Variants in MEF2C observed in about 807,000 individuals in gnomAD.
MEF2C encodes myocyte-specific enhancer factor 2C.
In MEF2C, 6 loss-of-function variants were observed where a neutral mutation model predicts 50.5. The observed-to-expected ratio is 0.12, with a 90% CI of 0.07 to 0.23. The LOEUF is 0.23. Ranked by LOEUF, MEF2C falls within the 10% of genes least tolerant of loss-of-function variation. The pLI, the probability that MEF2C is intolerant of heterozygous loss-of-function variation, is 1.00. For missense variants in MEF2C, 276 were observed against 605.0 expected, an observed-to-expected ratio of 0.46 and a Z score of 5.70; for synonymous variants, 183 against 228.0, an observed-to-expected ratio of 0.80 and a Z score of 1.78.
chr5:88,843,115 G>T (rs984245710), intron 1 of MEF2C, among the ~76,000 whole-genome samples: 1 of 151,732 alleles, frequency 6.6e-6, no homozygotes, highest in Non-Finnish European at 1.5e-5. Flanking sequence ...TTAGGGGGTG[G>T]TATCTTGTCA....
chr5:88,738,454 T>C (rs952450250), intron 6 of MEF2C: 2 of 887,658 alleles, frequency 2.3e-6, no homozygotes, highest in Non-Finnish European at 2.7e-6. Flanking sequence ...GGGATACTAA[T>C]AGTATCCCTA....
intron 1 of MEF2C, 59 bp from the exon 2 acceptor site, chr5:88,823,989 A>C: frequency 2.3e-6 from 3 of 1,306,880 alleles, no homozygotes; most frequent in Admixed American, 3.2e-5. Flanking sequence ...CATAAGAACT[A>C]TCATATTCTA....
At chr5:88,746,505 G>A (rs1769720235) in intron 6 of MEF2C, 1 of 983,128 alleles carries the variant, frequency 1.0e-6, no homozygotes, top group Non-Finnish European at 1.2e-6. Context: ...CTGCTAAAAA[G>A]TAACGTAATT....
At chr5:88,882,717 A>G (rs2150124524) in intron 1 of MEF2C, among the ~76,000 whole-genome samples, 1 of 152,346 alleles carries the variant, frequency 6.6e-6, no homozygotes, top group East Asian at 1.9e-4. Flanking sequence ...GACAGGAACG[A>G]GTCAGGAGTG....
At chr5:88,767,188 T>C (rs1346338725) in intron 3 of MEF2C, among the ~76,000 whole-genome samples, 4 of 152,302 alleles carry the variant, frequency 2.6e-5, no homozygotes, top group African/African-American at 4.8e-5. Flanking sequence ...AAACCTACCA[T>C]GTGCCAGATA....
At chr5:88,761,059 G>C (rs760609508) in intron 4 of MEF2C, 126 bp downstream of exon 4, 3 of 1,613,684 alleles carry the variant, frequency 1.9e-6, no homozygotes, top group Admixed American at 1.7e-5. Context: ...TCAGTGCGTG[G>C]GGTGAGTGCA....
intron 1 of MEF2C, among the ~76,000 whole-genome samples, chr5:88,900,324 A>G (rs1387014578): frequency 6.6e-6 from 1 of 151,838 alleles, no homozygotes; most frequent in Non-Finnish European, 1.5e-5. Flanking sequence ...AGTCAGTTAT[A>G]TGAACTATAT....
chr5:88,831,380 T>A (rs1448882348), intron 1 of MEF2C, among the ~76,000 whole-genome samples: 1 of 151,716 alleles, frequency 6.6e-6, no homozygotes, highest in Non-Finnish European at 1.5e-5. Flanking sequence ...AAAAGGACGT[T>A]CTCAGTAAAA....
At chr5:88,777,130 G>A (rs1264291368) in intron 3 of MEF2C, among the ~76,000 whole-genome samples, 4 of 152,194 alleles carry the variant, frequency 2.6e-5, no homozygotes, top group African/African-American at 9.7e-5. Flanking sequence ...TCAGTGATGA[G>A]CTTAAGGGTA....
rs1280422673 is a variant in MEF2C, at chr5:88,718,924, G to C, written c.*3680C>G. 3 of 152,138 alleles carry C rather than the reference G, an allele frequency of 2.0e-5. No homozygotes were observed. The highest frequency in any genetic ancestry group is 6.6e-5 in the Admixed American group (1 of 15,250). The allele number at this position is 152,138 out of a possible 1,614,324, so 9.4% of individuals were successfully genotyped here. ...AGATCTGTAGTGGCAGGAAATTAAC[G>C]CCATAAAAGTGACGACATCACGGCA... is the stretch of plus-strand genomic sequence containing the variant. On this transcript the variant is annotated 3_prime_UTR_variant, in exon 11 of 11. Coordinates refer to ENST00000504921, the MANE Select transcript of MEF2C (RefSeq NM_002397.5).
At chr5:88,832,587 T>C (rs1255885422) in intron 1 of MEF2C, among the ~76,000 whole-genome samples, 1 of 152,152 alleles carries the variant, frequency 6.6e-6, no homozygotes, top group Non-Finnish European at 1.5e-5. Flanking sequence ...AACAGCCTCA[T>C]GAGGAGGAGT....
At chr5:88,857,568 C>T (rs1489431887) in intron 1 of MEF2C, among the ~76,000 whole-genome samples, 2 of 152,106 alleles carry the variant, frequency 1.3e-5, no homozygotes, top group Admixed American at 6.5e-5. Context: ...AATTATAGGT[C>T]CCATAATCCC....
At position 88,749,247 on chromosome 5, in the gene MEF2C, A is replaced by G. The variant is rs1422629330; in HGVS notation, c.590-130T>C. Reference sequence around the variant, plus strand: ...AAACTTGTAAAGTACAACCCAAGTCAGATGGCTGACATTTGTTTTATTGTG... The same window carrying G: ...AAACTTGTAAAGTACAACCCAAGTCGGATGGCTGACATTTGTTTTATTGTG... On this transcript the variant is annotated intron_variant, in intron 5 of 10. Coordinates refer to ENST00000504921, the MANE Select transcript of MEF2C (RefSeq NM_002397.5). 2.4e-6 allele frequency: 3 copies of G among 1,235,172 alleles called. No individual in the cohort carries two copies. The African/African-American group carries it at 4.6e-5, about 19-fold the overall frequency. The allele number at this position is 1,235,172 out of a possible 1,614,324, so 76.5% of individuals were successfully genotyped here. A position where few individuals can be genotyped will look rare whatever the true frequency, so the allele number is the denominator to read the frequency against.
chr5:88,839,642 G>A (rs1816593549), intron 1 of MEF2C: 1 of 151,922 alleles, frequency 6.6e-6, no homozygotes, highest in Admixed American at 6.6e-5. Flanking sequence ...GAAAGAGTGT[G>A]CATATTACTC....
At chr5:88,838,681 T>C in intron 1 of MEF2C, 1 of 985,364 alleles carries the variant, frequency 1.0e-6, no homozygotes, top group Non-Finnish European at 1.2e-6. Flanking sequence ...TAACCAGCTC[T>C]GGTATGACCC....
In MEF2C at chr5:88,868,117, T is replaced by A. The variant is rs184867061; in HGVS notation, c.-143+14838A>T. Among the ~76,000 whole-genome samples the A allele has an allele frequency of 3.9e-4, 60 of 152,318 alleles. No homozygotes were observed. In the Middle Eastern group the frequency reaches 0.01, roughly 26 times the overall value. On this transcript the variant is annotated intron_variant, in intron 1 of 10. Transcript: ENST00000504921. Reference sequence around the variant, plus strand: ...AGACAACTGGCAAAACTTTAAAAAGTATTTTTGAGATAAAAATGGCCCCAC... The same window carrying A: ...AGACAACTGGCAAAACTTTAAAAAGAATTTTTGAGATAAAAATGGCCCCAC...
chr5:88,742,708 A>G lies in MEF2C; in HGVS notation c.637+6362T>C, dbSNP rs532572889. On this transcript the variant is annotated intron_variant, in intron 6 of 10. Coordinates refer to ENST00000504921, the MANE Select transcript of MEF2C (RefSeq NM_002397.5). ...TTTACAACATCCTGACTTAACCTGTAACATTTTTCATTTGTCTTGTCTTTG... is the reference window on the plus strand; with the variant it reads ...TTTACAACATCCTGACTTAACCTGTGACATTTTTCATTTGTCTTGTCTTTG... 1.6e-4 allele frequency: 153 copies of G among 985,384 alleles called. 1 individual carries two copies. In the African/African-American group the frequency reaches 2.6e-3, roughly 17 times the overall value. The allele number at this position is 985,384 out of a possible 1,614,324, so 61.0% of individuals were successfully genotyped here.
intron 3 of MEF2C, among the ~76,000 whole-genome samples, chr5:88,796,887 T>C (rs988580563): frequency 6.6e-6 from 1 of 152,232 alleles, no homozygotes; most frequent in Non-Finnish European, 1.5e-5. Flanking sequence ...ATTTACCCAG[T>C]AGTCATTCAG....
chr5:88,738,910 GT>G, intron 6 of MEF2C: 17 of 985,068 alleles, frequency 1.7e-5, no homozygotes, highest in Non-Finnish European at 2.0e-5. Context: ...GAAATACTGA[GT>G]TTAGCTACAC....
Sources: gnomAD v4.1 joint callset for allele counts (sites outside exome capture counted in the v4.1 genomes callset) on GRCh38, gnomAD v4.1.1 for gene constraint, MANE v1.5 for transcripts, NCBI Gene and HGNC (gene_info 2026-07-23, HGNC 2026-07-21) for gene names.